The following COP1 variants were observed in gnomAD, a reference collection of about 807,000 sequenced individuals.
COP1 encodes the protein E3 ubiquitin-protein ligase COP1.
In COP1, 24 loss-of-function variants were observed where a neutral mutation model predicts 101.3. That is an observed-to-expected ratio of 0.24 (90% CI 0.17 to 0.33). The LOEUF (loss-of-function observed/expected upper bound fraction) is 0.33. Ranked by LOEUF, COP1 falls within the 10% of genes least tolerant of loss-of-function variation. COP1 has a pLI of 1.00. For synonymous variants in COP1, 347 were observed against 341.9 expected, an observed-to-expected ratio of 1.01 and a Z score of -0.17; for missense variants, 663 against 906.2, an observed-to-expected ratio of 0.73 and a Z score of 3.45.
chr1:176,046,037 TAA>T (rs1671466274), intron 12 of COP1, 142 bp downstream of exon 12: 1 of 511,854 alleles, frequency 2.0e-6, no homozygotes. Flanking sequence ...ATATAAGTAA[TAA>T]TATATACTCT....
At chr1:176,054,642 C>T (rs562785084) in intron 11 of COP1, among the ~76,000 whole-genome samples, 14 of 152,222 alleles carry the variant, frequency 9.2e-5, no homozygotes, top group Non-Finnish European at 1.8e-4. Context: ...AACATTTATA[C>T]TTGTGCGGTA....
At chr1:176,166,503 TAAAC>T (rs1213952830) in intron 3 of COP1, among the ~76,000 whole-genome samples, 15 of 152,184 alleles carry the variant, frequency 9.9e-5, no homozygotes, top group African/African-American at 2.4e-5. Flanking sequence ...AAATAAAGTG[TAAAC>T]AAACAATGTA....
At chr1:176,084,845 C>T (rs1679834691) in intron 10 of COP1, among the ~76,000 whole-genome samples, 1 of 93,946 alleles carries the variant, frequency 1.1e-5, no homozygotes, top group South Asian at 3.7e-4. Flanking sequence ...CAATAAAATA[C>T]CAGACTTTTT....
At chr1:176,183,080 A>G (rs1697994213) in intron 2 of COP1, among the ~76,000 whole-genome samples, 1 of 152,220 alleles carries the variant, frequency 6.6e-6, no homozygotes, top group African/African-American at 2.4e-5. Flanking sequence ...ATTTTATAAG[A>G]AAGAATATAG....
intron 18 of COP1, among the ~76,000 whole-genome samples, chr1:175,969,621 G>A (rs1028054685): frequency 6.6e-6 from 1 of 152,056 alleles, no homozygotes; most frequent in Non-Finnish European, 1.5e-5. Flanking sequence ...ACATATACAA[G>A]TTTACCCATT....
At chr1:176,173,297 C>G (rs1399761208) in intron 3 of COP1, among the ~76,000 whole-genome samples, 3 of 119,238 alleles carry the variant, frequency 2.5e-5, no homozygotes, top group Non-Finnish European at 3.3e-5. Context: ...GGTGACAGTG[C>G]GAGACTTTGT....
intron 9 of COP1, among the ~76,000 whole-genome samples, chr1:176,109,106 G>T (rs1203110906): frequency 6.6e-6 from 1 of 151,908 alleles, no homozygotes; most frequent in Non-Finnish European, 1.5e-5. Flanking sequence ...GTGAGACTCT[G>T]TCTCAAAAAA....
chr1:176,027,426 G>T, intron 15 of COP1, 146 bp downstream of exon 15: 4 of 615,570 alleles, frequency 6.5e-6, no homozygotes, highest in South Asian at 6.1e-5. Flanking sequence ...AGTAATGATG[G>T]CATACTGTAT....
At chr1:176,139,279 C>CAAAAAAACA (rs1690273788) in intron 6 of COP1, among the ~76,000 whole-genome samples, 1 of 124,900 alleles carries the variant, frequency 8.0e-6, no homozygotes, top group African/African-American at 3.3e-5. Context: ...AAAACAAAAA[C>CAAAAAAACA]AAAAAAAACA....
intron 1 of COP1, among the ~76,000 whole-genome samples, chr1:176,189,592 T>C (rs1698881792): frequency 6.6e-6 from 1 of 151,822 alleles, no homozygotes; most frequent in Non-Finnish European, 1.5e-5. Flanking sequence ...TATATTAATG[T>C]AAATCCTGCA....
chr1:175,968,439 A>C (rs778343975), intron 18 of COP1: 1 of 518,986 alleles, frequency 1.9e-6, no homozygotes, highest in African/African-American at 1.9e-5. Context: ...AGCTGTCCTA[A>C]GCCAGACAGA....
chr1:176,189,443 T>C (rs139456548), intron 1 of COP1, among the ~76,000 whole-genome samples: 22 of 152,134 alleles, frequency 1.4e-4, no homozygotes, highest in African/African-American at 5.1e-4. Context: ...AATACTTCTT[T>C]AAAATACTAA....
At chr1:176,119,845 G>A (rs1240609931) in intron 8 of COP1, among the ~76,000 whole-genome samples, 3 of 152,118 alleles carry the variant, frequency 2.0e-5, no homozygotes, top group South Asian at 4.1e-4. Flanking sequence ...CAGCTCTAAT[G>A]TAGATAATAC....
chr1:175,964,430 A>AG (rs1651754975), intron 18 of COP1, among the ~76,000 whole-genome samples: 1 of 151,660 alleles, frequency 6.6e-6, no homozygotes, highest in Non-Finnish European at 1.5e-5. Flanking sequence ...CTGGGGAAAA[A>AG]AAGCCCAGAA....
chr1:176,105,473 C>A (rs1684154520), intron 9 of COP1, among the ~76,000 whole-genome samples: 1 of 152,134 alleles, frequency 6.6e-6, no homozygotes, highest in Non-Finnish European at 1.5e-5. Context: ...CATTGGTTTT[C>A]TCAGCAATTT....
intron 5 of COP1, among the ~76,000 whole-genome samples, chr1:176,156,321 TA>T (rs1693442366): frequency 6.6e-6 from 1 of 151,108 alleles, no homozygotes; most frequent in Non-Finnish European, 1.5e-5. Flanking sequence ...ATAGAGAAGA[TA>T]AAATGAGATA....
chr1:176,103,757 A>G (rs1683839370), intron 9 of COP1, among the ~76,000 whole-genome samples: 1 of 152,202 alleles, frequency 6.6e-6, no homozygotes, highest in African/African-American at 2.4e-5. Context: ...TTTTAAAAAC[A>G]AATTTTCAGC....
At chr1:176,103,429 A>G (rs1005789173) in intron 9 of COP1, among the ~76,000 whole-genome samples, 1 of 152,186 alleles carries the variant, frequency 6.6e-6, no homozygotes, top group Non-Finnish European at 1.5e-5. Context: ...CAGGTTGGTG[A>G]ACACACTGAG....
chr1:175,991,895 T>C (rs1375438489), intron 15 of COP1, among the ~76,000 whole-genome samples: 2 of 152,192 alleles, frequency 1.3e-5, no homozygotes, highest in African/African-American at 4.8e-5. Flanking sequence ...CAGTACCTTT[T>C]TCTGGAATGT....
Sources: allele counts gnomAD v4.1 joint callset (sites outside exome capture counted in the v4.1 genomes callset), GRCh38; gene constraint gnomAD v4.1.1; transcripts MANE v1.5; gene names NCBI Gene and HGNC (gene_info 2026-07-23, HGNC 2026-07-21).